BLTP1: variants seen among roughly 807,000 people sequenced by gnomAD.
The protein encoded by BLTP1 is fragile site-associated protein.
the BLTP1 span, chr4:122,258,564 G>A: frequency 8.9e-7 from 1 of 1,119,490 alleles, no homozygotes; most frequent in Non-Finnish European, 1.2e-6. Flanking sequence ...AGAGGATTGG[G>A]GTGGGGGAGA....
At chr4:122,355,806 G>A in the BLTP1 span, 107,234 of 1,596,880 alleles carry the variant, frequency 0.067, 3,933 homozygotes, top group Non-Finnish European at 0.074. Context: ...AGCTAAATCT[G>A]CTTCGTAATG....
chr4:122,207,794 T>G, the BLTP1 span: 1 of 762,114 alleles, frequency 1.3e-6, no homozygotes, highest in Admixed American at 6.2e-5. Flanking sequence ...ACAGAGTTCC[T>G]GTTGTTTTCT....
chr4:122,304,212 T>A, the BLTP1 span, among the ~76,000 whole-genome samples: 1 of 152,240 alleles, frequency 6.6e-6, no homozygotes, highest in Non-Finnish European at 1.5e-5. Context: ...TTTTTAGCAA[T>A]AAAGTTTTGT....
At chr4:122,170,380 G>C in the BLTP1 span, 2 of 973,902 alleles carry the variant, frequency 2.1e-6, no homozygotes, top group Non-Finnish European at 2.4e-6. Flanking sequence ...TTGAACCTTA[G>C]TTAGTGCTTA....
the BLTP1 span, chr4:122,169,962 T>C: frequency 3.0e-6 from 3 of 985,328 alleles, no homozygotes; most frequent in Non-Finnish European, 3.6e-6. Flanking sequence ...TCTGGATGAA[T>C]TTGTTTAATG....
the BLTP1 span, chr4:122,257,095 C>A: frequency 4.1e-6 from 1 of 245,150 alleles, no homozygotes; most frequent in Non-Finnish European, 6.5e-6. Context: ...GAAATCCTGA[C>A]TCTCTTGGGT....
chr4:122,257,367 G>A, the BLTP1 span: 2 of 1,614,028 alleles, frequency 1.2e-6, no homozygotes, highest in Non-Finnish European at 1.7e-6. Context: ...AGCTTACATA[G>A]ACCAGCTCAG....
the BLTP1 span, chr4:122,172,424 C>T: frequency 2.2e-6 from 1 of 460,092 alleles, no homozygotes; most frequent in Non-Finnish European, 2.9e-6. Flanking sequence ...TAACCATATA[C>T]TTTCATTAAA....
the BLTP1 span, chr4:122,333,637 A>G: frequency 6.3e-7 from 1 of 1,598,146 alleles, no homozygotes; most frequent in Non-Finnish European, 8.5e-7. Flanking sequence ...AGGAGTTATG[A>G]TCGAAGTTCC....
At chr4:122,258,069 A>G in the BLTP1 span, among the ~76,000 whole-genome samples, 1 of 152,156 alleles carries the variant, frequency 6.6e-6, no homozygotes, top group African/African-American at 2.4e-5. Flanking sequence ...TCAGCCTACA[A>G]TTTTGTCAAC....
At chr4:122,242,920 G>A in the BLTP1 span, 2 of 860,308 alleles carry the variant, frequency 2.3e-6, no homozygotes, top group Non-Finnish European at 3.8e-6. Context: ...GGTAATTCAG[G>A]TATTTACATA....
At chr4:122,186,404 TCTAA>T in the BLTP1 span, among the ~76,000 whole-genome samples, 1 of 151,960 alleles carries the variant, frequency 6.6e-6, no homozygotes, top group African/African-American at 2.4e-5. Context: ...GAATATGTAA[TCTAA>T]AAAAGTCCCG....
At chr4:122,347,553 A>C in the BLTP1 span, 1 of 1,613,600 alleles carries the variant, frequency 6.2e-7, no homozygotes, top group South Asian at 1.1e-5. Flanking sequence ...ATTCCATTGA[A>C]GGGGTAAGCC....
chr4:122,206,025 A>G, the BLTP1 span: 1 of 983,686 alleles, frequency 1.0e-6, no homozygotes, highest in Non-Finnish European at 1.2e-6. Flanking sequence ...GCTTTTATTT[A>G]TTGGGATTAA....
chr4:122,272,683 C>G, the BLTP1 span, among the ~76,000 whole-genome samples: 1 of 152,000 alleles, frequency 6.6e-6, no homozygotes, highest in South Asian at 2.1e-4. Flanking sequence ...ATATCAACTA[C>G]TAAGATGTCT....
chr4:122,200,113 T>C, the BLTP1 span: 1 of 906,754 alleles, frequency 1.1e-6, no homozygotes, highest in Non-Finnish European at 1.3e-6. Context: ...ATTTTACATA[T>C]GACATATGTA....
the BLTP1 span, chr4:122,313,595 T>G: frequency 6.4e-7 from 1 of 1,552,412 alleles, no homozygotes; most frequent in Non-Finnish European, 8.7e-7. Flanking sequence ...TGTATTTTTA[T>G]TGAAAACTAT....
chr4:122,273,988 CT>C, the BLTP1 span, among the ~76,000 whole-genome samples: 1 of 151,832 alleles, frequency 6.6e-6, no homozygotes, highest in African/African-American at 2.4e-5. Context: ...TATGTGGTTT[CT>C]TTTTCTTATT....
the BLTP1 span, chr4:122,274,500 A>C: frequency 6.4e-7 from 1 of 1,554,654 alleles, no homozygotes; most frequent in African/African-American, 1.4e-5. Flanking sequence ...AATTCTTTGG[A>C]TAAACATGCT....
Sources: gnomAD v4.1 joint callset for allele counts (sites outside exome capture counted in the v4.1 genomes callset) on GRCh38, gnomAD v4.1.1 for gene constraint, MANE v1.5 for transcripts, NCBI Gene and HGNC (gene_info 2026-07-23, HGNC 2026-07-21) for gene names.